Variants in GHR observed in about 807,000 individuals in gnomAD.
GHR encodes the protein GH receptor.
In GHR, 35 loss-of-function variants were observed where a neutral mutation model predicts 67.1. That is an observed-to-expected ratio of 0.52 (90% CI 0.40 to 0.69). The LOEUF (loss-of-function observed/expected upper bound fraction) is 0.69. Among genes scored for constraint, GHR ranks in the 30% least tolerant of loss-of-function variants. The probability of loss-of-function intolerance (pLI) is 0.00; values close to 1 mark genes in which losing one functional copy is unlikely to be tolerated. For missense variants in GHR, 792 were observed against 764.6 expected, an observed-to-expected ratio of 1.04 and a Z score of -0.42; for synonymous variants, 272 against 269.1, an observed-to-expected ratio of 1.01 and a Z score of -0.10.
chr5:42,503,973 C>T (rs978300438), intron 1 of GHR, among the ~76,000 whole-genome samples: 4 of 152,090 alleles, frequency 2.6e-5, no homozygotes, highest in Admixed American at 2.0e-4. Flanking sequence ...TTTGGGAAAG[C>T]ATTAAACTGT....
chr5:42,518,133 ATAAT>A (rs1206213951), intron 1 of GHR, among the ~76,000 whole-genome samples: 1 of 148,930 alleles, frequency 6.7e-6, no homozygotes, highest in Non-Finnish European at 1.5e-5. Flanking sequence ...CATGATTCTA[ATAAT>A]TAATATATAT....
chr5:42,580,782 C>T (rs1424951629), intron 2 of GHR, among the ~76,000 whole-genome samples: 1 of 152,186 alleles, frequency 6.6e-6, no homozygotes, highest in Non-Finnish European at 1.5e-5. Context: ...ATTTGAAAAT[C>T]TGTTTGAAAC....
chr5:42,646,843 G>A (rs1460367258), intron 3 of GHR, among the ~76,000 whole-genome samples: 2 of 152,058 alleles, frequency 1.3e-5, no homozygotes, highest in Non-Finnish European at 1.5e-5. Context: ...TTTCAAATTG[G>A]GAATCACTGT....
chr5:42,486,198 A>AATAC (rs1745872030), intron 1 of GHR, among the ~76,000 whole-genome samples: 1 of 152,176 alleles, frequency 6.6e-6, no homozygotes, highest in Admixed American at 6.5e-5. Flanking sequence ...TGTCTTCTCC[A>AATAC]ATACATCTTC....
chr5:42,479,782 C>A (rs1745530169), intron 1 of GHR, among the ~76,000 whole-genome samples: 2 of 152,004 alleles, frequency 1.3e-5, no homozygotes, highest in South Asian at 2.1e-4. Flanking sequence ...CTCTTTTCTT[C>A]TTTATTAGTC....
chr5:42,570,022 T>C (rs1750196133), intron 2 of GHR, among the ~76,000 whole-genome samples: 1 of 152,026 alleles, frequency 6.6e-6, no homozygotes, highest in South Asian at 2.1e-4. Context: ...CTCATTGCTA[T>C]CAGACAGCAA....
intron 3 of GHR, among the ~76,000 whole-genome samples, chr5:42,687,813 A>G (rs1185845811): frequency 6.6e-6 from 1 of 152,220 alleles, no homozygotes. Context: ...TAAGTTTACA[A>G]TATGATTGAA....
rs995798740 is a variant in GHR at position 42,721,625 on chromosome 5, T to C, written c.*2201T>C. 6 of 152,666 alleles carry C rather than the reference T, an allele frequency of 3.9e-5. No homozygotes were observed. Among genetic ancestry groups the C allele is most frequent in the African/African-American group, 1.2e-4 (5 of 41,472 alleles). The allele number at this position is 152,666 out of a possible 1,614,324, so 9.5% of individuals were successfully genotyped here. The stretch of plus-strand genomic sequence containing the variant: ...GTGTGTTTGGAAGACTATCTTACTA[T>C]TTCACAACAGCCTGACAACATTTCT... On this transcript the variant is annotated 3_prime_UTR_variant, in exon 10 of 10. Transcript: ENST00000230882.
At chr5:42,584,079 G>T (rs577784713) in intron 2 of GHR, among the ~76,000 whole-genome samples, 31 of 152,054 alleles carry the variant, frequency 2.0e-4, no homozygotes, top group African/African-American at 7.2e-4. Context: ...ATTGTAGTAT[G>T]TCACAAAGCA....
chr5:42,644,616 T>C (rs930322331), intron 3 of GHR, among the ~76,000 whole-genome samples: 1 of 152,132 alleles, frequency 6.6e-6, no homozygotes, highest in African/African-American at 2.4e-5. Context: ...TCAGGAATCA[T>C]TACCAATTTG....
chr5:42,710,047 A>G (rs973244642), intron 6 of GHR, among the ~76,000 whole-genome samples: 1 of 128,140 alleles, frequency 7.8e-6, no homozygotes, highest in Non-Finnish European at 1.6e-5. Context: ...CATAGGCTTT[A>G]AAAAAAAAAC....
chr5:42,496,795 A>G (rs1156445356), intron 1 of GHR, among the ~76,000 whole-genome samples: 1 of 151,990 alleles, frequency 6.6e-6, no homozygotes, highest in East Asian at 1.9e-4. Flanking sequence ...GTTTCTTCCT[A>G]CCTTAATGAA....
intron 3 of GHR, among the ~76,000 whole-genome samples, chr5:42,683,956 T>G (rs1271118246): frequency 6.6e-6 from 1 of 151,600 alleles, no homozygotes; most frequent in Non-Finnish European, 1.5e-5. Flanking sequence ...AGTTATTTTT[T>G]CTTTTTAAGT....
intron 1 of GHR, among the ~76,000 whole-genome samples, chr5:42,541,090 C>A (rs1228481736): frequency 6.6e-6 from 1 of 151,942 alleles, no homozygotes; most frequent in Non-Finnish European, 1.5e-5. Context: ...CTAATAAATT[C>A]TTATTGCATG....
At position 42,489,891 on chromosome 5, in the gene GHR, A is replaced by T. The variant is rs535950319; in HGVS notation, c.-12+65936A>T. Among the ~76,000 whole-genome samples the T allele has an allele frequency of 1.1e-4, 16 of 152,338 alleles. No individual in the cohort carries two copies. In the South Asian group the frequency reaches 3.1e-3, roughly 30 times the overall value. On this transcript the variant is annotated intron_variant, in intron 1 of 9. Transcript: ENST00000230882. Reference sequence around the variant, plus strand: ...GCTGAATAAACTGCCCTTTCTAGTTAACTTTGAACTCTAAACCTTATTTAA... The same window carrying T: ...GCTGAATAAACTGCCCTTTCTAGTTTACTTTGAACTCTAAACCTTATTTAA...
chr5:42,481,083 G>T (rs1745609625), intron 1 of GHR, among the ~76,000 whole-genome samples: 1 of 151,760 alleles, frequency 6.6e-6, no homozygotes, highest in South Asian at 2.1e-4. Flanking sequence ...GGCAGGCCTG[G>T]TGGTGACAAA....
At chr5:42,701,940 CA>C (rs1236507948) in intron 6 of GHR, among the ~76,000 whole-genome samples, 2 of 151,546 alleles carry the variant, frequency 1.3e-5, no homozygotes, top group African/African-American at 4.8e-5. Context: ...TTTTAATGAT[CA>C]AAAATTTTTT....
chr5:42,453,370 A>G (rs1267107694), intron 1 of GHR, among the ~76,000 whole-genome samples: 3 of 152,112 alleles, frequency 2.0e-5, no homozygotes, highest in Admixed American at 1.3e-4. Context: ...TTGGGGAGGT[A>G]TCCCCCGGCA....
At chr5:42,687,774 C>G (rs1757231228) in intron 3 of GHR, among the ~76,000 whole-genome samples, 1 of 152,056 alleles carries the variant, frequency 6.6e-6, no homozygotes, top group Non-Finnish European at 1.5e-5. Context: ...GAGAGCCTCC[C>G]TGATAACCCA....
Sources: allele counts gnomAD v4.1 joint callset (sites outside exome capture counted in the v4.1 genomes callset), GRCh38; gene constraint gnomAD v4.1.1; transcripts MANE v1.5; gene names NCBI Gene and HGNC (gene_info 2026-07-23, HGNC 2026-07-21).